The following DOCK1 variants were observed in gnomAD, a reference collection of about 807,000 sequenced individuals.
DOCK1 encodes the protein dedicator of cytokinesis 1, also known as dedicator of cytokinesis protein 1.
DOCK1 carries 138 observed loss-of-function variants against 262.7 expected under a neutral mutation model. The ratio of observed to expected loss-of-function variants is 0.53; its 90% CI spans 0.46 to 0.61. The LOEUF (loss-of-function observed/expected upper bound fraction) is 0.61. DOCK1 is among the 20% of genes least tolerant of loss of function. DOCK1 has a pLI of 0.00. For missense variants in DOCK1, 1,908 were observed against 2,370.7 expected (o/e 0.80, Z 4.05); for synonymous variants, 866 against 867.4 (o/e 1.00, Z 0.03).
At chr10:127,186,012 T>G (rs566291182) in intron 27 of DOCK1, among the ~76,000 whole-genome samples, 2 of 152,196 alleles carry the variant, frequency 1.3e-5, no homozygotes, top group Non-Finnish European at 2.9e-5. Context: ...TAAATTGAGT[T>G]TAATTAAAAA....
chr10:127,145,311 C>A (rs1234361389), intron 27 of DOCK1, among the ~76,000 whole-genome samples: 1 of 152,172 alleles, frequency 6.6e-6, no homozygotes, highest in Non-Finnish European at 1.5e-5. Flanking sequence ...AGGAAAGACA[C>A]CCCATGACTA....
At chr10:127,332,924 A>G (rs2063046351) in intron 29 of DOCK1, among the ~76,000 whole-genome samples, 1 of 151,970 alleles carries the variant, frequency 6.6e-6, no homozygotes, top group Non-Finnish European at 1.5e-5. Flanking sequence ...CTCTATTATC[A>G]CTTCACCTCA....
At chr10:127,062,856 C>T (rs1237096730) in intron 23 of DOCK1, among the ~76,000 whole-genome samples, 2 of 152,186 alleles carry the variant, frequency 1.3e-5, no homozygotes, top group Non-Finnish European at 2.9e-5. Context: ...TGCAGAAGAG[C>T]GAGCCTTCCA....
chr10:127,370,677 G>A (rs773635980), intron 33 of DOCK1, among the ~76,000 whole-genome samples: 42 of 152,216 alleles, frequency 2.8e-4, no homozygotes, highest in Non-Finnish European at 5.3e-4. Context: ...AGTGGTAAAA[G>A]CAGTGTTTCC....
At chr10:126,982,161 T>C (rs1249814324) in intron 4 of DOCK1, among the ~76,000 whole-genome samples, 188 bp downstream of exon 4, 1 of 152,106 alleles carries the variant, frequency 6.6e-6, no homozygotes, top group Non-Finnish European at 1.5e-5. Flanking sequence ...CTTTTATCCT[T>C]TATGGAGTCT....
intron 29 of DOCK1, 144 bp from the exon 30 acceptor site, chr10:127,338,862 C>A: frequency 1.6e-6 from 1 of 612,058 alleles, no homozygotes; most frequent in Non-Finnish European, 2.7e-6. Flanking sequence ...GTGATCTTTT[C>A]GTTGGCAAAA....
chr10:127,017,039 AC>A (rs1311315138), intron 12 of DOCK1, among the ~76,000 whole-genome samples: 22 of 116,124 alleles, frequency 1.9e-4, no homozygotes, highest in Admixed American at 2.6e-4. Context: ...CAGATACCAC[AC>A]ACACACACAC....
intron 2 of DOCK1, among the ~76,000 whole-genome samples, chr10:126,974,625 G>A (rs768490655): frequency 1.3e-5 from 2 of 152,088 alleles, no homozygotes; most frequent in African/African-American, 2.4e-5. Flanking sequence ...CCAGGTAATC[G>A]TTCCGTTCTG....
chr10:127,426,151 G>GC, intron 47 of DOCK1, 140 bp downstream of exon 47: 1 of 1,415,350 alleles, frequency 7.1e-7, no homozygotes, highest in Non-Finnish European at 9.6e-7. Flanking sequence ...AGGGAGCTCA[G>GC]CCCCCTTGGG....
intron 25 of DOCK1, among the ~76,000 whole-genome samples, chr10:127,111,731 C>T (rs985651829): frequency 1.2e-4 from 18 of 152,126 alleles, no homozygotes; most frequent in African/African-American, 3.9e-4. Context: ...TGCTCCTAAC[C>T]ATTCAATGCC....
chr10:126,928,050 G>C (rs1003191918), intron 1 of DOCK1, among the ~76,000 whole-genome samples: 6 of 152,182 alleles, frequency 3.9e-5, no homozygotes, highest in Admixed American at 3.9e-4. Flanking sequence ...GATACTCAGG[G>C]GAAGAGGGGC....
intron 33 of DOCK1, among the ~76,000 whole-genome samples, chr10:127,368,819 C>T (rs572550138): frequency 4.6e-5 from 7 of 152,232 alleles, no homozygotes; most frequent in South Asian, 4.1e-4. Flanking sequence ...TTTTAAATTC[C>T]CTCCTGGCAT....
At chr10:127,086,716 C>T (rs528217856) in intron 23 of DOCK1, among the ~76,000 whole-genome samples, 9 of 152,004 alleles carry the variant, frequency 5.9e-5, no homozygotes, top group South Asian at 2.1e-4. Context: ...TTCAGATTGA[C>T]GTAAAATGAT....
intron 27 of DOCK1, among the ~76,000 whole-genome samples, chr10:127,187,597 G>A (rs932112185): frequency 1.9e-4 from 29 of 152,022 alleles, no homozygotes; most frequent in Non-Finnish European, 4.0e-4. Flanking sequence ...TCCAGGGGGT[G>A]GCTGTCCTCC....
chr10:127,291,169 G>C (rs2061333951), intron 29 of DOCK1, among the ~76,000 whole-genome samples: 1 of 152,160 alleles, frequency 6.6e-6, no homozygotes, highest in Admixed American at 6.5e-5. Flanking sequence ...CTTCAGTCAA[G>C]ACTTTTGCTT....
rs778497612 is a variant in DOCK1, at chr10:127,393,086, G to A, written c.3927+8177G>A. On this transcript the variant is annotated intron_variant, in intron 38 of 51. Coordinates refer to ENST00000623213, the MANE Select transcript of DOCK1 (RefSeq NM_001290223.2). ...AGAGCGCCACGTGCACCAGGCTCAC[G>A]TCCTGAGCGTGTGCCCACAGCCCTT... Among the ~76,000 whole-genome samples the A allele has an allele frequency of 1.7e-4, 26 of 152,196 alleles. 1 individual carries two copies. The highest frequency in any genetic ancestry group is 5.9e-4 in the Admixed American group (9 of 15,288).
Position 126,996,828 on chromosome 10 carries a change from T to A in DOCK1, c.554T>A (p.Phe185Tyr). 1 of 1,612,152 alleles carries A rather than the reference T, an allele frequency of 6.2e-7. No individual in the cohort carries two copies. Among genetic ancestry groups the A allele is most frequent in the Non-Finnish European group, 8.5e-7 (1 of 1,179,312 alleles). ...GAATTAACTAGCACGATTAGTCTCT[T>A]CAGAGCTCATGAAATAGCTTCTAAA... ...DPELTSTISLFRAHEIASKQV... is the reference protein window; with the variant it reads ...DPELTSTISLYRAHEIASKQV... Residue 185 changes from phenylalanine to tyrosine, a missense_variant, in exon 7 of 52, where the codon TTC (phenylalanine) becomes TAC (tyrosine). Physicochemically the swap from Phe to Tyr is conservative, Grantham distance 22 (BLOSUM62 3). Transcript: ENST00000623213.
At chr10:127,361,240 G>A (rs1175399946) in intron 32 of DOCK1, among the ~76,000 whole-genome samples, 15 of 149,918 alleles carry the variant, frequency 1.0e-4, no homozygotes, top group African/African-American at 1.5e-4. Context: ...CAGCCTCCCA[G>A]GTAGCTGGGA....
chr10:127,002,357 A>G (rs946753599), intron 10 of DOCK1, among the ~76,000 whole-genome samples: 1 of 152,260 alleles, frequency 6.6e-6, no homozygotes, highest in African/African-American at 2.4e-5. Context: ...TAAAGATGAA[A>G]TGTAGACCAC....
Sources: gnomAD v4.1 joint callset for allele counts (sites outside exome capture counted in the v4.1 genomes callset) on GRCh38, gnomAD v4.1.1 for gene constraint, MANE v1.5 for transcripts, NCBI Gene and HGNC (gene_info 2026-07-23, HGNC 2026-07-21) for gene names.